The following GPC5 variants were observed in gnomAD, a reference collection of about 807,000 sequenced individuals.
The protein encoded by GPC5 is glypican 5.
GPC5 carries 47 observed loss-of-function variants against 53.9 expected under a neutral mutation model. The observed-to-expected ratio is 0.87, with a 90% CI of 0.69 to 1.11. GPC5 has a LOEUF of 1.11. Among genes scored for constraint, GPC5 ranks in the 50% most tolerant of loss-of-function variants. GPC5 has a pLI of 0.00. For synonymous variants in GPC5, 286 were observed against 263.3 expected, an observed-to-expected ratio of 1.09 and a Z score of -0.84; for missense variants, 748 against 713.1, an observed-to-expected ratio of 1.05 and a Z score of -0.56.
intron 2 of GPC5, among the ~76,000 whole-genome samples, chr13:91,619,358 G>C (rs1019979825): frequency 1.3e-5 from 2 of 151,946 alleles, no homozygotes; most frequent in African/African-American, 4.8e-5. Flanking sequence ...CTATACGAGG[G>C]CAAACCATTA....
intron 2 of GPC5, among the ~76,000 whole-genome samples, chr13:91,552,394 C>T (rs2030693688): frequency 6.6e-6 from 1 of 151,982 alleles, no homozygotes; most frequent in Admixed American, 6.6e-5. Context: ...AGACTCTAAC[C>T]CAGTGGCGCT....
At chr13:91,877,553 T>C (rs950211461) in intron 5 of GPC5, among the ~76,000 whole-genome samples, 4 of 152,112 alleles carry the variant, frequency 2.6e-5, no homozygotes, top group African/African-American at 9.7e-5. Flanking sequence ...ATTTCTCCCA[T>C]TTGGAATGGC....
intron 6 of GPC5, among the ~76,000 whole-genome samples, chr13:92,144,165 G>A (rs2041850067): frequency 6.6e-6 from 1 of 152,124 alleles, no homozygotes; most frequent in Non-Finnish European, 1.5e-5. Context: ...AGGGGAAAAT[G>A]TCTATTCCAT....
intron 7 of GPC5, among the ~76,000 whole-genome samples, chr13:92,329,535 G>A (rs1258676159): frequency 6.6e-6 from 1 of 152,016 alleles, no homozygotes; most frequent in African/African-American, 2.4e-5. Context: ...GATTTGGAGG[G>A]GACAAACATC....
chr13:91,984,572 G>T (rs1168689669), intron 6 of GPC5, among the ~76,000 whole-genome samples: 1 of 152,208 alleles, frequency 6.6e-6, no homozygotes, highest in East Asian at 1.9e-4. Context: ...AGTCATCGTA[G>T]TTGTTTTCAT....
At chr13:92,651,522 C>A (rs1885958196) in intron 7 of GPC5, among the ~76,000 whole-genome samples, 1 of 152,008 alleles carries the variant, frequency 6.6e-6, no homozygotes, top group African/African-American at 2.4e-5. Context: ...TGAAGATCTG[C>A]AAAAGTGTCA....
chr13:92,427,181 G>A (rs373208650), intron 7 of GPC5, among the ~76,000 whole-genome samples: 22 of 151,722 alleles, frequency 1.5e-4, no homozygotes, highest in African/African-American at 4.6e-4. Context: ...TCAGAATATA[G>A]CAGGTCGATT....
intron 6 of GPC5, among the ~76,000 whole-genome samples, chr13:92,043,766 C>T (rs1282715980): frequency 6.6e-6 from 1 of 152,116 alleles, no homozygotes; most frequent in African/African-American, 2.4e-5. Context: ...TATATGTATA[C>T]AGACATTGCC....
chr13:92,160,335 A>G (rs1258304789), intron 7 of GPC5, among the ~76,000 whole-genome samples: 1 of 152,196 alleles, frequency 6.6e-6, no homozygotes, highest in African/African-American at 2.4e-5. Context: ...TTAACTGTGT[A>G]AAGTTAAACC....
intron 2 of GPC5, among the ~76,000 whole-genome samples, chr13:91,569,509 C>T (rs1207389213): frequency 2.6e-5 from 4 of 151,982 alleles, no homozygotes; most frequent in Non-Finnish European, 5.9e-5. Flanking sequence ...TTTTGTTCTC[C>T]CTAGCCTCAA....
chr13:92,264,498 C>T (rs533587700), intron 7 of GPC5, among the ~76,000 whole-genome samples: 2 of 152,140 alleles, frequency 1.3e-5, no homozygotes, highest in East Asian at 3.9e-4. Flanking sequence ...CACACATACA[C>T]ACACACACAC....
chr13:92,663,260 T>G (rs1207820993), intron 7 of GPC5, among the ~76,000 whole-genome samples: 1 of 152,086 alleles, frequency 6.6e-6, no homozygotes, highest in East Asian at 1.9e-4. Context: ...GGGAAAAATT[T>G]AATGGTATAA....
At chr13:91,916,110 G>A (rs1383733940) in intron 6 of GPC5, among the ~76,000 whole-genome samples, 1 of 152,078 alleles carries the variant, frequency 6.6e-6, no homozygotes, top group Non-Finnish European at 1.5e-5. Context: ...AATATCTTAA[G>A]CGTCAATTTA....
chr13:92,107,857 A>G (rs1308830473), intron 6 of GPC5, among the ~76,000 whole-genome samples: 1 of 152,150 alleles, frequency 6.6e-6, no homozygotes, highest in Non-Finnish European at 1.5e-5. Context: ...CTCTTTTCAG[A>G]AAAACCCAGT....
At chr13:91,707,399 G>A (rs2036129977) in intron 3 of GPC5, among the ~76,000 whole-genome samples, 1 of 152,102 alleles carries the variant, frequency 6.6e-6, no homozygotes, top group African/African-American at 2.4e-5. Flanking sequence ...AAGATGGGAG[G>A]ATTGCTTAAG....
At chr13:92,609,804 G>A (rs191192401) in intron 7 of GPC5, among the ~76,000 whole-genome samples, 7 of 152,194 alleles carry the variant, frequency 4.6e-5, no homozygotes, top group African/African-American at 1.7e-4. Flanking sequence ...AGGCCCAGGT[G>A]GGTGGATCAC....
intron 6 of GPC5, among the ~76,000 whole-genome samples, chr13:91,999,956 C>T (rs1323553531): frequency 6.6e-6 from 1 of 152,108 alleles, no homozygotes; most frequent in Non-Finnish European, 1.5e-5. Flanking sequence ...AGTTCTGTAT[C>T]TAAATATAAG....
intron 2 of GPC5, among the ~76,000 whole-genome samples, chr13:91,450,164 G>A (rs116873717): frequency 0.018 from 2,685 of 152,134 alleles, 55 homozygotes; most frequent in South Asian, 0.04. Context: ...AGATTTTAAG[G>A]TTTTATAAAT....
chr13:92,573,711 C>T (rs1442895069), intron 7 of GPC5, among the ~76,000 whole-genome samples: 1 of 152,154 alleles, frequency 6.6e-6, no homozygotes, highest in East Asian at 1.9e-4. Context: ...CTGATCATAG[C>T]TCCTACCATG....
Sources: allele counts gnomAD v4.1 joint callset (sites outside exome capture counted in the v4.1 genomes callset), GRCh38; gene constraint gnomAD v4.1.1; transcripts MANE v1.5; gene names NCBI Gene and HGNC (gene_info 2026-07-23, HGNC 2026-07-21).